CCDC92B: variants seen among roughly 807,000 people sequenced by gnomAD.
CCDC92B encodes coiled-coil domain-containing 92B.
CCDC92B carries 2 observed loss-of-function variants against 5.6 expected under a neutral mutation model. The ratio of observed to expected loss-of-function variants is 0.36; its 90% confidence interval spans 0.15 to 1.12. The LOEUF (loss-of-function observed/expected upper bound fraction) is 1.12, where lower values mean the gene tolerates loss of function less well. CCDC92B is among the 50% of genes most tolerant of loss of function. The pLI is 0.40. For missense variants in CCDC92B, 271 were observed against 262.2 expected (o/e 1.03, Z -0.23); for synonymous variants, 115 against 122.3 (o/e 0.94, Z 0.39).
intron 1 of CCDC92B, chr17:2,748,443 T>C: frequency 1.0e-6 from 1 of 964,982 alleles, no homozygotes; most frequent in Non-Finnish European, 1.2e-6. Flanking sequence ...TGTGTGTGTG[T>C]GTGTGTGCAC....
chr17:2,725,153 G>A (rs1285033260), intron 3 of CCDC92B, among the ~76,000 whole-genome samples, 153 bp from the exon 4 acceptor site: 1 of 152,160 alleles, frequency 6.6e-6, no homozygotes, highest in Admixed American at 6.5e-5. Context: ...TGGGCAGATG[G>A]ACTTGAGGTC....
intron 1 of CCDC92B, among the ~76,000 whole-genome samples, chr17:2,738,039 G>T (rs963811315): frequency 6.6e-6 from 1 of 151,640 alleles, no homozygotes; most frequent in Non-Finnish European, 1.5e-5. Flanking sequence ...ATATTTACAC[G>T]AATATTTACA....
At chr17:2,732,663 G>A (rs2070807391) in intron 2 of CCDC92B, among the ~76,000 whole-genome samples, 1 of 152,070 alleles carries the variant, frequency 6.6e-6, no homozygotes, top group South Asian at 2.1e-4. Flanking sequence ...GTTTCAGTGA[G>A]CTGAGATCGT....
intron 1 of CCDC92B, among the ~76,000 whole-genome samples, chr17:2,746,698 G>A (rs2070990803): frequency 6.6e-6 from 1 of 151,994 alleles, no homozygotes; most frequent in African/African-American, 2.4e-5. Context: ...TTGAGACGGA[G>A]TCTCCTCTGT....
At chr17:2,735,215 G>C (rs186950315) in intron 1 of CCDC92B, 47 bp from the exon 2 acceptor site, 1 of 984,220 alleles carries the variant, frequency 1.0e-6, no homozygotes, top group African/African-American at 1.7e-5. Context: ...GCCCATCTGC[G>C]CTGCCCCACC....
chr17:2,724,646 G>A lies in CCDC92B; in HGVS notation c.533C>T (p.Ala178Val). 3 of 981,642 alleles carry A rather than the reference G, an allele frequency of 3.1e-6. No individual in the cohort carries two copies. Among genetic ancestry groups the A allele is most frequent in the Non-Finnish European group, 3.6e-6 (3 of 828,192 alleles). 60.8% of individuals were successfully genotyped at this position (981,642 alleles called of 1,614,324 possible). ...GCCCTTGGCGGCGGCCTCGTGGGCAGCAGGCGGGCGGCGGGCTCGCAGTGC... is the reference window on the plus strand; with the variant it reads ...GCCCTTGGCGGCGGCCTCGTGGGCAACAGGCGGGCGGCGGGCTCGCAGTGC... ...RRALRARRPP[A>V]AHEAAAKGPG... Residue 178 changes from alanine to valine, a missense_variant, in exon 4 of 4, where the codon GCT becomes GTT. Physicochemically the swap from Ala to Val is moderately conservative, Grantham distance 64. Coordinates refer to ENST00000614400, the MANE Select transcript of CCDC92B (RefSeq NM_001355573.2). The surrounding 1 kb of genome is among the most constrained non-coding windows in gnomAD (Gnocchi z 5.0).
At chr17:2,728,391 A>C (rs1430749983) in intron 3 of CCDC92B, among the ~76,000 whole-genome samples, 1 of 151,874 alleles carries the variant, frequency 6.6e-6, no homozygotes, top group African/African-American at 2.4e-5. Flanking sequence ...GTGGATCACG[A>C]GGTCAGGAGA....
At chr17:2,738,571 G>A (rs1047701417) in intron 1 of CCDC92B, among the ~76,000 whole-genome samples, 5 of 151,128 alleles carry the variant, frequency 3.3e-5, no homozygotes, top group African/African-American at 1.2e-4. Flanking sequence ...GGGAGATCGA[G>A]ACCACGGTGA....
chr17:2,736,589 T>A (rs1309563860), intron 1 of CCDC92B, among the ~76,000 whole-genome samples: 3 of 150,920 alleles, frequency 2.0e-5, no homozygotes, highest in Non-Finnish European at 4.4e-5. Flanking sequence ...TCTAAAAATA[T>A]ATATCCATAG....
intron 1 of CCDC92B, among the ~76,000 whole-genome samples, chr17:2,737,723 G>A (rs914089418): frequency 5.9e-5 from 9 of 151,730 alleles, no homozygotes; most frequent in African/African-American, 1.9e-4. Context: ...TGATCCACCC[G>A]CCTCGGCCTC....
chr17:2,727,450 TTGGCA>T (rs1567610992), intron 3 of CCDC92B, among the ~76,000 whole-genome samples: 2 of 152,126 alleles, frequency 1.3e-5, no homozygotes, highest in African/African-American at 4.8e-5. Flanking sequence ...ATCCTAGGAC[TTGGCA>T]CAGGTGAGTG....
rs528801925 is a variant in CCDC92B at position 2,729,366 on chromosome 17, C to T, written c.178+1080G>A. On this transcript the variant is annotated intron_variant, in intron 3 of 3. Coordinates refer to ENST00000614400, the MANE Select transcript of CCDC92B (RefSeq NM_001355573.2). Reference sequence around the variant, plus strand: ...AAATTAGCCGGTGGATGGTGGTGTGCGCCTGTTGTCTCAGCTACTTGGGAG... The same window carrying T: ...AAATTAGCCGGTGGATGGTGGTGTGTGCCTGTTGTCTCAGCTACTTGGGAG... 5.9e-5 allele frequency among the ~76,000 whole-genome samples: 9 copies of T among 152,028 alleles called. No individual in the cohort carries two copies. In the South Asian group the frequency reaches 1.0e-3, roughly 18 times the overall value.
At position 2,723,099 on chromosome 17, in the gene CCDC92B, T is replaced by A. The variant is rs967149366; in HGVS notation, c.*1312A>T. On this transcript the variant is annotated 3_prime_UTR_variant, in exon 4 of 4. Coordinates refer to ENST00000614400, the MANE Select transcript of CCDC92B (RefSeq NM_001355573.2). Reference sequence around the variant, plus strand: ...GGGGCATCCGTGGAGGGGGCCAGGATGGGGACTAACCTGTGCTCCCACCAT... The same window carrying A: ...GGGGCATCCGTGGAGGGGGCCAGGAAGGGGACTAACCTGTGCTCCCACCAT... 4 of 153,084 alleles carry A rather than the reference T, an allele frequency of 2.6e-5. No individual in the cohort carries two copies. The highest frequency in any genetic ancestry group is 6.5e-5 in the Admixed American group (1 of 15,306). The allele number at this position is 153,084 out of a possible 1,614,324, so 9.5% of individuals were successfully genotyped here.
intron 1 of CCDC92B, among the ~76,000 whole-genome samples, chr17:2,741,175 G>A (rs1247899537): frequency 1.3e-5 from 2 of 152,004 alleles, no homozygotes; most frequent in African/African-American, 4.8e-5. Flanking sequence ...AAGGCACAGA[G>A]GTAGGAAAGA....
rs1247410950 is a variant in CCDC92B at position 2,749,584 on chromosome 17, G to A, written c.-197C>T. ...GGCAGTCGGGCCGGGGCTCCGGGGG[G>A]CTCGGGGGCGCCGAAGGGGGGTCGG... On this transcript the variant is annotated 5_prime_UTR_variant, in exon 1 of 4. Coordinates refer to ENST00000614400, the MANE Select transcript of CCDC92B (RefSeq NM_001355573.2). 2.0e-5 allele frequency: 3 copies of A among 150,352 alleles called. No individual in the cohort carries two copies. The highest frequency in any genetic ancestry group is 4.5e-5 in the Non-Finnish European group (3 of 67,372). 9.3% of individuals were successfully genotyped at this position (150,352 alleles called of 1,614,324 possible). A position where few individuals can be genotyped will look rare whatever the true frequency, so the allele number is the denominator to read the frequency against.
rs1461965448 is a variant in CCDC92B, at chr17:2,724,754, C to T, written c.425G>A (p.Cys142Tyr). The T allele has an allele frequency of 4.1e-6, 4 of 984,414 alleles. No individual in the cohort carries two copies. The highest frequency in any genetic ancestry group is 3.6e-6 in the Non-Finnish European group (3 of 829,506). The allele number at this position is 984,414 out of a possible 1,614,324, so 61.0% of individuals were successfully genotyped here. Reference protein sequence around the residue: ...KHTEAAAYLSCQLHAARQRLQ... With the variant: ...KHTEAAAYLSYQLHAARQRLQ... Reference sequence around the variant, plus strand: ...TCTCTGGCGCGCCGCGTGCAGCTGGCAGGAGAGGTAGGCGGCCGCCTCGGT... The same window carrying T: ...TCTCTGGCGCGCCGCGTGCAGCTGGTAGGAGAGGTAGGCGGCCGCCTCGGT... The change falls in exon 4 of 4, where the codon TGC becomes TAC. Residue 142 changes from cysteine (C) to tyrosine (Y), a missense_variant. Transcript: ENST00000614400. This position sits in a 1 kb window ranked among gnomAD's most constrained non-coding sequence, Gnocchi z 5.0.
In CCDC92B at chr17:2,748,432, C is replaced by CTG. The variant is rs142915709; in HGVS notation, c.-24+977_-24+978dup. The CTG allele has an allele frequency of 5.9e-3, 5,424 of 912,852 alleles. 101 individuals carry two copies. The African/African-American group carries it at 0.069, about 12-fold the overall frequency. 56.5% of individuals were successfully genotyped at this position (912,852 alleles called of 1,614,324 possible). A position where few individuals can be genotyped will look rare whatever the true frequency, so the allele number is the denominator to read the frequency against. On this transcript the variant is annotated intron_variant, in intron 1 of 3. Coordinates refer to ENST00000614400, the MANE Select transcript of CCDC92B (RefSeq NM_001355573.2). The stretch of plus-strand genomic sequence containing the variant: ...GTCTGCCATATTATCACTCTTTGTT[C>CTG]TGTGTGTGTGTGTGTGTGCACGCAT...
chr17:2,748,189 A>G (rs765422478), intron 1 of CCDC92B: 2 of 554,592 alleles, frequency 3.6e-6, no homozygotes, highest in Admixed American at 1.9e-5. Flanking sequence ...TGCTCTGATG[A>G]CAAACTCTTC....
rs571468704 is a variant in CCDC92B at position 2,730,583 on chromosome 17, G to T, written c.131-90C>A. ...TGTGTGAGAGAGAGAGAGAGAGAGA[G>T]AGATCATGGAATTACAGCTCAGTAA... On this transcript the variant is annotated intron_variant, in intron 2 of 3. Transcript: ENST00000614400. The T allele has an allele frequency of 3.6e-5, 20 of 557,520 alleles. 1 individual carries two copies. Among genetic ancestry groups the T allele is most frequent in the Admixed American group, 3.3e-4 (5 of 15,088 alleles). 34.5% of individuals were successfully genotyped at this position (557,520 alleles called of 1,614,324 possible).
Sources: gnomAD v4.1 joint callset for allele counts (sites outside exome capture counted in the v4.1 genomes callset) on GRCh38, gnomAD v4.1.1 for gene constraint, Gnocchi (gnomAD v3.1) non-coding constraint, MANE v1.5 for transcripts, NCBI Gene and HGNC (gene_info 2026-07-23, HGNC 2026-07-21) for gene names.